The following TANGO6 variants were observed in gnomAD, a reference collection of about 807,000 sequenced individuals.
TANGO6 encodes transport and Golgi organization protein 6 homolog.
In TANGO6, 90 loss-of-function variants were observed where a neutral mutation model predicts 114.2. The observed-to-expected ratio is 0.79, with a 90% CI of 0.66 to 0.94. TANGO6 has a LOEUF of 0.94. Among genes scored for constraint, TANGO6 ranks in the 40% least tolerant of loss-of-function variants. TANGO6 has a pLI of 0.00. For synonymous variants in TANGO6, 477 were observed against 509.8 expected, an observed-to-expected ratio of 0.94 and a Z score of 0.87; for missense variants, 1,274 against 1,315.3, an observed-to-expected ratio of 0.97 and a Z score of 0.49.
chr16:69,076,586 A>G (rs1467720989), intron 17 of TANGO6, among the ~76,000 whole-genome samples: 1 of 152,170 alleles, frequency 6.6e-6, no homozygotes. Context: ...TTTTTTAGAA[A>G]GCCATTGCCT....
chr16:68,977,598 G>A (rs1241830351), intron 15 of TANGO6, among the ~76,000 whole-genome samples: 1 of 150,706 alleles, frequency 6.6e-6, no homozygotes, highest in Non-Finnish European at 1.5e-5. Context: ...AGCTACTCAG[G>A]AGGCTGAGGC....
chr16:68,875,157 G>C lies in TANGO6; in HGVS notation c.998G>C (p.Gly333Ala), dbSNP rs764687978. The C allele has an allele frequency of 6.2e-7, 1 of 1,610,598 alleles. No individual in the cohort carries two copies. Among genetic ancestry groups the C allele is most frequent in the Admixed American group, 1.7e-5 (1 of 59,948 alleles). ...VRGILEGAGAGAAGGSDAEVT... is the reference protein window; with the variant it reads ...VRGILEGAGAAAAGGSDAEVT... ...ACATCTCTCTCCATTGTGCCAGCGG[G>C]AGCAGCTGGTGGAAGTGATGCTGAG... The change falls in exon 5 of 18, where the codon GGA (glycine) becomes GCA (alanine). Residue 333 changes from glycine (G) to alanine (A), a missense_variant. Physicochemically the swap from Gly to Ala is moderately conservative, Grantham distance 60 (BLOSUM62 0). Around this residue, in one of 5 missense-constraint regions of TANGO6, gnomAD observed 908 missense variants for 910.2 expected, o/e 1.00. Transcript: ENST00000261778.
chr16:69,054,857 C>G (rs1044940384), intron 17 of TANGO6, among the ~76,000 whole-genome samples: 2 of 142,114 alleles, frequency 1.4e-5, no homozygotes, highest in South Asian at 4.8e-4. Flanking sequence ...AGGAGAATGG[C>G]GTGAACCCGG....
intron 12 of TANGO6, among the ~76,000 whole-genome samples, chr16:68,923,017 G>A (rs563491916): frequency 2.9e-5 from 4 of 138,376 alleles, no homozygotes; most frequent in Non-Finnish European, 6.0e-5. Context: ...GCACGATCTC[G>A]GCTCACCGCA....
intron 3 of TANGO6, among the ~76,000 whole-genome samples, 172 bp from the exon 4 acceptor site, chr16:68,866,907 T>A (rs1167442838): frequency 2.0e-5 from 3 of 151,130 alleles, no homozygotes; most frequent in Non-Finnish European, 4.4e-5. Flanking sequence ...ACTGCACTCC[T>A]GCCTGGGTGA....
At chr16:68,913,645 G>A (rs1962959369) in intron 11 of TANGO6, among the ~76,000 whole-genome samples, 1 of 151,814 alleles carries the variant, frequency 6.6e-6, no homozygotes, top group African/African-American at 2.4e-5. Context: ...CTGACCTCAG[G>A]TGATCCACCC....
chr16:68,986,490 T>C (rs958467390), intron 15 of TANGO6, among the ~76,000 whole-genome samples: 1 of 152,100 alleles, frequency 6.6e-6, no homozygotes, highest in Non-Finnish European at 1.5e-5. Context: ...TGCTTGATTT[T>C]TGTGTTTTAG....
chr16:68,949,426 G>A (rs768778790), intron 14 of TANGO6, among the ~76,000 whole-genome samples: 18 of 152,002 alleles, frequency 1.2e-4, no homozygotes, highest in Non-Finnish European at 2.1e-4. Flanking sequence ...TTTCAGACCA[G>A]CCTGGCCAAC....
chr16:68,872,434 T>TG (rs1962286861), intron 4 of TANGO6, among the ~76,000 whole-genome samples: 3 of 151,630 alleles, frequency 2.0e-5, no homozygotes, highest in Admixed American at 2.0e-4. Flanking sequence ...CCCAAGTAGC[T>TG]GGGACTACAG....
intron 15 of TANGO6, among the ~76,000 whole-genome samples, chr16:68,980,409 C>CTCTCTCTCTCTCTCTCTCTCTA (rs1408626276): frequency 1.9e-4 from 13 of 67,980 alleles, no homozygotes; most frequent in East Asian, 4.1e-4. Context: ...CTCTCTCTCT[C>CTCTCTCTCTCTCTCTCTCTCTA]TATATATATA....
At chr16:68,989,483 TG>T (rs926294028) in intron 15 of TANGO6, among the ~76,000 whole-genome samples, 6 of 152,206 alleles carry the variant, frequency 3.9e-5, no homozygotes, top group African/African-American at 9.7e-5. Flanking sequence ...TCTCTTTTTT[TG>T]TTGAGATTTC....
At position 68,843,676 on chromosome 16, in the gene TANGO6, T is replaced by C; in HGVS notation, c.59T>C (p.Ile20Thr). 6.2e-7 allele frequency: 1 copy of C among 1,613,586 alleles called. No individual in the cohort carries two copies. Among genetic ancestry groups the C allele is most frequent in the South Asian group, 1.1e-5 (1 of 91,068 alleles). The change falls in exon 1 of 18, where the codon ATT becomes ACT. Residue 20 changes from isoleucine to threonine, a missense_variant. Physicochemically the swap from Ile to Thr is moderately conservative, Grantham distance 89. Transcript: ENST00000261778. ...CAGGAGACATGCGGTCTGGATCGGA[T>C]TTTGGAGGCATTGAAGCTGCTGCTG... ...GAQETCGLDRILEALKLLLSP... is the reference protein window; with the variant it reads ...GAQETCGLDRTLEALKLLLSP...
chr16:68,949,261 C>A (rs1172071523), intron 14 of TANGO6, among the ~76,000 whole-genome samples: 11 of 152,150 alleles, frequency 7.2e-5, no homozygotes, highest in Admixed American at 7.2e-4. Context: ...TAAGTAAGCA[C>A]GTAGCTTTCT....
intron 11 of TANGO6, among the ~76,000 whole-genome samples, chr16:68,911,672 C>T (rs1567538048): frequency 6.6e-6 from 1 of 152,146 alleles, no homozygotes; most frequent in Non-Finnish European, 1.5e-5. Flanking sequence ...CTGTCTCGGC[C>T]CAAAGTGCTG....
chr16:68,923,361 G>A (rs894564291), intron 12 of TANGO6, among the ~76,000 whole-genome samples: 2 of 152,080 alleles, frequency 1.3e-5, no homozygotes, highest in African/African-American at 4.8e-5. Context: ...TTACATATTA[G>A]AATCATTGCA....
intron 10 of TANGO6, among the ~76,000 whole-genome samples, chr16:68,908,636 G>A (rs895895816): frequency 6.6e-6 from 1 of 152,146 alleles, no homozygotes; most frequent in Non-Finnish European, 1.5e-5. Context: ...GCCAAAAAGG[G>A]TAGGTGAATA....
At chr16:69,060,702 G>A (rs1276296994) in intron 17 of TANGO6, among the ~76,000 whole-genome samples, 1 of 151,820 alleles carries the variant, frequency 6.6e-6, no homozygotes, top group Non-Finnish European at 1.5e-5. Flanking sequence ...ATCTTTAACC[G>A]GGAATTCTAA....
intron 14 of TANGO6, among the ~76,000 whole-genome samples, chr16:68,963,812 C>T (rs1963618291): frequency 6.6e-6 from 1 of 152,202 alleles, no homozygotes; most frequent in Admixed American, 6.5e-5. Flanking sequence ...TCCAAAGATC[C>T]AGCAACTCTA....
intron 15 of TANGO6, among the ~76,000 whole-genome samples, chr16:69,016,563 T>C (rs1959301531): frequency 6.6e-6 from 1 of 152,216 alleles, no homozygotes; most frequent in Admixed American, 6.5e-5. Context: ...ATTAAACTAC[T>C]AAACTCTTGG....
Sources: gnomAD v4.1 joint callset for allele counts (sites outside exome capture counted in the v4.1 genomes callset) on GRCh38, gnomAD v4.1.1 for gene constraint, gnomAD v4.1.1 regional missense constraint, MANE v1.5 for transcripts, NCBI Gene and HGNC (gene_info 2026-07-23, HGNC 2026-07-21) for gene names.